Variants in SPINK5 observed in about 807,000 individuals in gnomAD.
The protein encoded by SPINK5 is serine peptidase inhibitor Kazal type 5, also known as serine protease inhibitor Kazal-type 5.
Under a neutral mutation model 151.8 loss-of-function variants are expected in SPINK5, and 125 were observed. The ratio of observed to expected loss-of-function variants is 0.82; its 90% CI spans 0.71 to 0.96. The LOEUF (loss-of-function observed/expected upper bound fraction) is 0.96. Ranked by LOEUF, SPINK5 falls within the 40% of genes least tolerant of loss-of-function variation. SPINK5 has a pLI of 0.00. For synonymous variants in SPINK5, 374 were observed against 395.3 expected, an observed-to-expected ratio of 0.95 and a Z score of 0.64; for missense variants, 1,194 against 1,291.9, an observed-to-expected ratio of 0.92 and a Z score of 1.16.
At position 148,120,329 on chromosome 5, in the gene SPINK5, G is replaced by A. The variant is rs771615069; in HGVS notation, c.2476G>A (p.Asp826Asn). ...REAAEKKKKEDEDRSNTGERS... is the reference protein window; with the variant it reads ...REAAEKKKKENEDRSNTGERS... ...AGCAGCTGAAAAAAAAAAGAAAGAG[G>A]ATGAAGACAGGAGCAATACAGGAGA... The change falls in exon 26 of 33, where the codon GAT becomes AAT. Residue 826 changes from aspartate to asparagine, a missense_variant. Transcript: ENST00000256084. 24 of 1,604,476 alleles carry A rather than the reference G, an allele frequency of 1.5e-5. No homozygotes were observed. The highest frequency in any genetic ancestry group is 2.0e-5 in the Non-Finnish European group (23 of 1,174,742).
In SPINK5 at chr5:148,131,302, G is replaced by A. The variant is rs746260762; in HGVS notation, c.3008G>A (p.Gly1003Asp). 3 of 1,613,872 alleles carry A rather than the reference G, an allele frequency of 1.9e-6. No homozygotes were observed. The highest frequency in any genetic ancestry group is 1.7e-4 in the Middle Eastern group (1 of 6,060). ...CKDYRVLPRI[G>D]YLCPKDLKPV... is the part of the protein sequence containing the mutation. ...GACTACCGAGTATTGCCCAGGATAG[G>A]TTATCTTTGTCCAAAGGATTTAAAG... Residue 1003 changes from glycine to aspartate, a missense_variant, in exon 31 of 33, where the codon GGT (glycine) becomes GAT (aspartate). Transcript: ENST00000256084.
chr5:148,133,718 C>T (rs1754627737), intron 31 of SPINK5, 79 bp from the exon 32 acceptor site: 1 of 1,420,480 alleles, frequency 7.0e-7, no homozygotes, highest in South Asian at 1.2e-5. Context: ...CCCAAGTGTC[C>T]TGCATGTTGG....
chr5:148,091,667 T>A (rs911784880), intron 8 of SPINK5, among the ~76,000 whole-genome samples: 1 of 151,766 alleles, frequency 6.6e-6, no homozygotes, highest in African/African-American at 2.4e-5. Context: ...CACTAGTGCA[T>A]TTTATGTGCA....
chr5:148,131,535 T>G lies in SPINK5; in HGVS notation c.3095+146T>G, dbSNP rs555457558. 16 of 1,140,154 alleles carry G rather than the reference T, an allele frequency of 1.4e-5. No homozygotes were observed. In the African/African-American group the frequency reaches 2.2e-4, roughly 16 times the overall value. The allele number at this position is 1,140,154 out of a possible 1,614,324, so 70.6% of individuals were successfully genotyped here. A position where few individuals can be genotyped will look rare whatever the true frequency, so the allele number is the denominator to read the frequency against. ...AAGTTAAAAATTCAAAATTTGTGAATTATCTTTCTTATATGTAAAATAGAA... is the reference window on the plus strand; with the variant it reads ...AAGTTAAAAATTCAAAATTTGTGAAGTATCTTTCTTATATGTAAAATAGAA... On this transcript the variant is annotated intron_variant, in intron 31 of 32. Transcript: ENST00000256084.
intron 26 of SPINK5, among the ~76,000 whole-genome samples, chr5:148,122,191 A>G (rs1754287697): frequency 6.6e-6 from 1 of 152,180 alleles, no homozygotes; most frequent in Non-Finnish European, 1.5e-5. Flanking sequence ...TGAATAGAAG[A>G]GCCAAAGACT....
At chr5:148,106,128 T>C (rs1297692606) in intron 16 of SPINK5, among the ~76,000 whole-genome samples, 1 of 152,096 alleles carries the variant, frequency 6.6e-6, no homozygotes, top group Non-Finnish European at 1.5e-5. Context: ...TGCCAAATCC[T>C]CTTAGATATT....
intron 17 of SPINK5, among the ~76,000 whole-genome samples, chr5:148,108,465 C>A (rs910848189): frequency 6.6e-6 from 1 of 152,008 alleles, no homozygotes; most frequent in African/African-American, 2.4e-5. Context: ...TAGCTTTATT[C>A]GGAATGTTAA....
chr5:148,064,410 A>G (rs974062969), intron 1 of SPINK5, among the ~76,000 whole-genome samples: 1 of 152,224 alleles, frequency 6.6e-6, no homozygotes, highest in Non-Finnish European at 1.5e-5. Context: ...GTATCAATTC[A>G]TAATGCATAT....
At chr5:148,089,368 A>C in intron 6 of SPINK5, 126 bp from the exon 7 acceptor site, 1 of 1,241,964 alleles carries the variant, frequency 8.1e-7, no homozygotes, top group Non-Finnish European at 1.2e-6. Context: ...CTACATCTAC[A>C]CAGCTGGTAC....
chr5:148,088,601 A>G lies in SPINK5; in HGVS notation c.470A>G (p.Glu157Gly). 6 of 1,611,624 alleles carry G rather than the reference A, an allele frequency of 3.7e-6. No individual in the cohort carries two copies. The highest frequency in any genetic ancestry group is 5.1e-6 in the Non-Finnish European group (6 of 1,178,472). Reference sequence around the variant, plus strand: ...GGGGAATGTAAGAGCAGTAATCCAGAGCAGGTGAGGTCAATTGTCAGCCTG... The same window carrying G: ...GGGGAATGTAAGAGCAGTAATCCAGGGCAGGTGAGGTCAATTGTCAGCCTG... Reference protein sequence around the residue: ...SEGECKSSNPEQDVCSAFRPF... With the variant: ...SEGECKSSNPGQDVCSAFRPF... The change falls in exon 6 of 33, where the codon GAG becomes GGG. Residue 157 changes from glutamate (E) to glycine (G), a missense_variant. Transcript: ENST00000256084.
intron 21 of SPINK5, among the ~76,000 whole-genome samples, chr5:148,115,043 T>G (rs1253078261): frequency 1.3e-5 from 2 of 152,186 alleles, no homozygotes; most frequent in South Asian, 2.1e-4. Context: ...TATAGTCCAC[T>G]GATATTAGTC....
At chr5:148,135,892 T>A (rs1581117542) in intron 32 of SPINK5, among the ~76,000 whole-genome samples, 1 of 152,198 alleles carries the variant, frequency 6.6e-6, no homozygotes, top group Non-Finnish European at 1.5e-5. Context: ...CTTTCTATTA[T>A]GCAATAACTA....
At chr5:148,084,540 C>T (rs760495941) in intron 4 of SPINK5, among the ~76,000 whole-genome samples, 5 of 151,888 alleles carry the variant, frequency 3.3e-5, no homozygotes, top group Non-Finnish European at 7.4e-5. Context: ...ATTCCCCTCT[C>T]TACACCTGTG....
chr5:148,083,851 A>T (rs1393437359), intron 4 of SPINK5, among the ~76,000 whole-genome samples: 1 of 151,342 alleles, frequency 6.6e-6, no homozygotes, highest in Non-Finnish European at 1.5e-5. Context: ...ATTGTTTCTT[A>T]TTTCCATTGC....
chr5:148,064,211 C>G (rs1752517607), intron 1 of SPINK5, 112 bp downstream of exon 1: 6 of 1,075,224 alleles, frequency 5.6e-6, no homozygotes, highest in Non-Finnish European at 8.6e-6. Flanking sequence ...CATGTATAAT[C>G]CTGAAATGTC....
At chr5:148,104,629 C>T (rs1753731259) in intron 15 of SPINK5, among the ~76,000 whole-genome samples, 1 of 152,162 alleles carries the variant, frequency 6.6e-6, no homozygotes. Context: ...GGCACGGTGG[C>T]TCACACCTGT....
At chr5:148,118,363 GACTGTTAAAACAATTT>G in intron 22 of SPINK5, 58 bp from the exon 23 acceptor site, 1 of 1,604,656 alleles carries the variant, frequency 6.2e-7, no homozygotes. Context: ...CTCTTACTCA[GACTGTTAAAACAATTT>G]ACTAAGAATA....
At position 148,097,872 on chromosome 5, in the gene SPINK5, C is replaced by T; in HGVS notation, c.888C>T (p.Leu296=). ...TTTTCTTATTCATTATTCAGAAACT[C>T]TGCAGTCAATATCAAAATCAGGCAA... ...KTKVKREIVK[L]CSQYQNQAKN... Residue 296 remains leucine, a synonymous_variant, in exon 11 of 33, where the codon CTC becomes CTT. Coordinates refer to ENST00000256084, the MANE Select transcript of SPINK5 (RefSeq NM_006846.4). 6.2e-7 allele frequency: 1 copy of T among 1,607,942 alleles called. No individual in the cohort carries two copies.
chr5:148,137,290 T>G lies in SPINK5; in HGVS notation c.*299T>G. The G allele has an allele frequency of 2.1e-6, 1 of 474,848 alleles. No homozygotes were observed. The highest frequency in any genetic ancestry group is 3.8e-6 in the Non-Finnish European group (1 of 265,262). The allele number at this position is 474,848 out of a possible 1,614,324, so 29.4% of individuals were successfully genotyped here. A position where few individuals can be genotyped will look rare whatever the true frequency, so the allele number is the denominator to read the frequency against. Reference sequence around the variant, plus strand: ...AAAAGTAAACTCAGCAGAACACCCTTTCTGGGATTTCTTTGTCACTATCTG... The same window carrying G: ...AAAAGTAAACTCAGCAGAACACCCTGTCTGGGATTTCTTTGTCACTATCTG... On this transcript the variant is annotated 3_prime_UTR_variant, in exon 33 of 33. Coordinates refer to ENST00000256084, the MANE Select transcript of SPINK5 (RefSeq NM_006846.4).
Sources: allele counts gnomAD v4.1 joint callset (sites outside exome capture counted in the v4.1 genomes callset), GRCh38; gene constraint gnomAD v4.1.1; transcripts MANE v1.5; gene names NCBI Gene and HGNC (gene_info 2026-07-23, HGNC 2026-07-21).